NXPE3: variants seen among roughly 807,000 people sequenced by gnomAD.
The protein encoded by NXPE3 is NXPE family member 3.
Under a neutral mutation model 46.1 loss-of-function variants are expected in NXPE3, and 26 were observed. The ratio of observed to expected loss-of-function variants is 0.56; its 90% confidence interval spans 0.41 to 0.78. The LOEUF is 0.78. Among genes scored for constraint, NXPE3 ranks in the 30% least tolerant of loss-of-function variants. The probability of loss-of-function intolerance (pLI) is 0.00; values close to 1 mark genes in which losing one functional copy is unlikely to be tolerated. For synonymous variants in NXPE3, 272 were observed against 257.9 expected, an observed-to-expected ratio of 1.05 and a Z score of -0.52; for missense variants, 620 against 686.0, an observed-to-expected ratio of 0.90 and a Z score of 1.07.
chr3:101,816,640 A>C (rs1393726001), intron 6 of NXPE3, among the ~76,000 whole-genome samples, 155 bp from the exon 7 acceptor site: 1 of 152,160 alleles, frequency 6.6e-6, no homozygotes. Flanking sequence ...TTTTTTAATC[A>C]GGAGAAAAGT....
rs143967067 is a variant in NXPE3 at position 101,821,511 on chromosome 3, C to T, written c.1237C>T (p.Arg413Cys). ...ATACCGCTGCCATGGTCCACCCATCCGCTTCACGACTGTCTTTAGCAATGA... is the reference window on the plus strand; with the variant it reads ...ATACCGCTGCCATGGTCCACCCATCTGCTTCACGACTGTCTTTAGCAATGA... ...LKYRCHGPPI[R>C]FTTVFSNELH... The change falls in exon 8 of 8, where the codon CGC (arginine) becomes TGC (cysteine). Residue 413 changes from arginine to cysteine, a missense_variant. This residue lies in a region of NXPE3 where 511 missense variants were observed against 528.6 expected (regional missense o/e 0.97). Coordinates refer to ENST00000273347, the MANE Select transcript of NXPE3 (RefSeq NM_145037.4). 3.2e-5 allele frequency: 51 copies of T among 1,614,068 alleles called. No homozygotes were observed. Among genetic ancestry groups the T allele is most frequent in the Middle Eastern group, 1.6e-4 (1 of 6,084 alleles).
At chr3:101,804,776 C>G (rs142025784) in intron 5 of NXPE3, among the ~76,000 whole-genome samples, 1 of 152,226 alleles carries the variant, frequency 6.6e-6, no homozygotes, top group African/African-American at 2.4e-5. Flanking sequence ...AATATGTCAT[C>G]TTTGTTCTTT....
chr3:101,806,958 G>A (rs900429205), intron 5 of NXPE3, 95 bp from the exon 6 acceptor site: 29 of 846,474 alleles, frequency 3.4e-5, no homozygotes, highest in African/African-American at 3.4e-4. Context: ...ATAAGGCTCC[G>A]TGAAATTAGT....
chr3:101,783,876 T>C (rs1474739598), intron 3 of NXPE3, among the ~76,000 whole-genome samples: 1 of 152,202 alleles, frequency 6.6e-6, no homozygotes, highest in Non-Finnish European at 1.5e-5. Flanking sequence ...CAAGAAGTTA[T>C]AGACAGTTTG....
At chr3:101,815,634 C>A (rs779486788) in intron 6 of NXPE3, among the ~76,000 whole-genome samples, 4 of 151,686 alleles carry the variant, frequency 2.6e-5, no homozygotes, top group African/African-American at 7.3e-5. Context: ...GAGGTCGAGG[C>A]GGGCGGATCA....
intron 7 of NXPE3, among the ~76,000 whole-genome samples, chr3:101,818,741 ATATATATATATATTTTTTTT>A (rs1942093218): frequency 3.5e-5 from 1 of 28,402 alleles, no homozygotes; most frequent in Non-Finnish European, 6.7e-5. Context: ...ATATATATAT[ATATATATATATATTTTTTTT>A]TTTTTTTTTT....
intron 5 of NXPE3, among the ~76,000 whole-genome samples, chr3:101,803,399 G>C (rs1284040200): frequency 6.6e-6 from 1 of 152,164 alleles, no homozygotes; most frequent in Non-Finnish European, 1.5e-5. Flanking sequence ...AGTGTTTACT[G>C]TACTGCTGAG....
intron 4 of NXPE3, 39 bp from the exon 5 acceptor site, chr3:101,801,196 T>TA: frequency 6.4e-7 from 1 of 1,561,590 alleles, no homozygotes; most frequent in Non-Finnish European, 8.7e-7. Flanking sequence ...AGAGACCTAT[T>TA]ATAGTGGTAA....
rs1161842667 is a variant in NXPE3 at position 101,825,959 on chromosome 3, C to A, written c.*4005C>A. ...ATAGAATTATCCTACTAAAAGTAAC[C>A]TTTCTTCAGCGAATGCAAAACAGAC... On this transcript the variant is annotated 3_prime_UTR_variant, in exon 8 of 8. Transcript: ENST00000273347. 6.6e-6 allele frequency: 1 copy of A among 152,116 alleles called. No individual in the cohort carries two copies. The highest frequency in any genetic ancestry group is 1.5e-5 in the Non-Finnish European group (1 of 68,012). 9.4% of individuals were successfully genotyped at this position (152,116 alleles called of 1,614,324 possible).
At chr3:101,801,089 G>T in intron 4 of NXPE3, 146 bp from the exon 5 acceptor site, 1 of 861,852 alleles carries the variant, frequency 1.2e-6, no homozygotes. Context: ...AAGCCCAAGG[G>T]GATTTTTCTT....
Position 101,816,889 on chromosome 3 carries a change from T to C in NXPE3, c.1017T>C (p.Arg339=). ...DQWRPRKFKM[R]QFNDPDNITE... ...GGAGGCCCAGAAAGTTTAAGATGCG[T>C]CAGTTTAATGACCCTGACAACATTA... Residue 339 remains arginine (R), a synonymous_variant, in exon 7 of 8, where the codon CGT becomes CGC. Transcript: ENST00000273347. 6.2e-7 allele frequency: 1 copy of C among 1,614,112 alleles called. No individual in the cohort carries two copies. The highest frequency in any genetic ancestry group is 8.5e-7 in the Non-Finnish European group (1 of 1,179,944).
intron 4 of NXPE3, among the ~76,000 whole-genome samples, chr3:101,794,864 A>C (rs917437318): frequency 7.9e-5 from 12 of 152,338 alleles, no homozygotes; most frequent in African/African-American, 2.6e-4. Flanking sequence ...AAAGGCTCTA[A>C]TTATTTGAAC....
intron 6 of NXPE3, 36 bp from the exon 7 acceptor site, chr3:101,816,759 A>C (rs779888324): frequency 2.7e-6 from 4 of 1,475,450 alleles, no homozygotes; most frequent in Non-Finnish European, 3.8e-6. Flanking sequence ...GTTGGAGGAG[A>C]ATATTAAAAT....
chr3:101,809,960 G>A (rs1208080740), intron 6 of NXPE3, among the ~76,000 whole-genome samples: 1 of 152,106 alleles, frequency 6.6e-6, no homozygotes, highest in East Asian at 1.9e-4. Flanking sequence ...CCTATATTTT[G>A]AAGTTTTTTC....
At chr3:101,790,224 A>C (rs914699519) in intron 4 of NXPE3, among the ~76,000 whole-genome samples, 2 of 152,202 alleles carry the variant, frequency 1.3e-5, no homozygotes, top group African/African-American at 4.8e-5. Flanking sequence ...GTATTCTATA[A>C]ATGTCAGTTA....
intron 7 of NXPE3, among the ~76,000 whole-genome samples, chr3:101,819,112 A>G (rs1942131170): frequency 2.0e-5 from 3 of 151,956 alleles, no homozygotes; most frequent in African/African-American, 7.3e-5. Context: ...TTGACCGTGA[A>G]CTCACTGAGG....
chr3:101,822,046 C>G lies in NXPE3; in HGVS notation c.*92C>G. The G allele has an allele frequency of 9.0e-7, 1 of 1,108,586 alleles. No individual in the cohort carries two copies. The highest frequency in any genetic ancestry group is 1.5e-5 in the South Asian group (1 of 65,452). 68.7% of individuals were successfully genotyped at this position (1,108,586 alleles called of 1,614,324 possible). The stretch of plus-strand genomic sequence containing the variant: ...GTGGCCCCAGTGAGAGATGACTGCC[C>G]TTAATAAGTATAAAATTTCAAAAAG... On this transcript the variant is annotated 3_prime_UTR_variant, in exon 8 of 8. Transcript: ENST00000273347.
intron 3 of NXPE3, among the ~76,000 whole-genome samples, chr3:101,783,436 C>T (rs1238938108): frequency 1.3e-5 from 2 of 152,174 alleles, no homozygotes; most frequent in Non-Finnish European, 2.9e-5. Flanking sequence ...AAATGGGTCT[C>T]TCAAATGTCA....
At chr3:101,787,627 T>C (rs1319005045) in intron 4 of NXPE3, among the ~76,000 whole-genome samples, 1 of 152,224 alleles carries the variant, frequency 6.6e-6, no homozygotes, top group African/African-American at 2.4e-5. Context: ...TTTTTGTGAT[T>C]GGCTTATTTC....
Sources: gnomAD v4.1 joint callset for allele counts (sites outside exome capture counted in the v4.1 genomes callset) on GRCh38, gnomAD v4.1.1 for gene constraint, gnomAD v4.1.1 regional missense constraint, MANE v1.5 for transcripts, NCBI Gene and HGNC (gene_info 2026-07-23, HGNC 2026-07-21) for gene names.